The following SLC4A9 variants were observed in gnomAD, a reference collection of about 807,000 sequenced individuals.
The protein encoded by SLC4A9 is anion exchange protein 4.
In SLC4A9, 102 loss-of-function variants were observed where a neutral mutation model predicts 103.2. The ratio of observed to expected loss-of-function variants is 0.99; its 90% CI spans 0.84 to 1.17. SLC4A9 has a LOEUF of 1.17. SLC4A9 is among the 50% of genes most tolerant of loss of function. SLC4A9 has a pLI of 0.00. For missense variants in SLC4A9, 1,091 were observed against 1,193.7 expected (o/e 0.91, Z 1.27); for synonymous variants, 453 against 483.6 (o/e 0.94, Z 0.83).
At chr5:140,374,596 C>T (rs917724603) in intron 21 of SLC4A9, among the ~76,000 whole-genome samples, 1 of 147,046 alleles carries the variant, frequency 6.8e-6, no homozygotes, top group African/African-American at 2.5e-5. Context: ...GCCTCTGACA[C>T]TTGCAATGGG....
intron 14 of SLC4A9, 72 bp from the exon 15 acceptor site, chr5:140,367,348 A>G (rs1458706369): frequency 6.6e-7 from 1 of 1,525,722 alleles, no homozygotes; most frequent in Non-Finnish European, 8.8e-7. Context: ...GAAGAATGCC[A>G]AGGTTGAGAT....
At position 140,371,110 on chromosome 5, in the gene SLC4A9, G is replaced by A. The variant is rs1271840173; in HGVS notation, c.2443G>A (p.Val815Met). ...TTTCTACCAGTTCATTCCAATGCCT[G>A]TGCTCTATGGCATCTTCCTGTATAT... ...APVLKFIPMP[V>M]LYGIFLYMGV... is the part of the protein sequence containing the mutation. Residue 815 changes from valine to methionine, a missense_variant, in exon 18 of 22, where the codon GTG (valine) becomes ATG (methionine). Physicochemically the swap from Val to Met is conservative, Grantham distance 21. Transcript: ENST00000506757. 1 of 1,611,776 alleles carries A rather than the reference G, an allele frequency of 6.2e-7. No homozygotes were observed. The highest frequency in any genetic ancestry group is 8.5e-7 in the Non-Finnish European group (1 of 1,178,946).
chr5:140,362,749 C>A (rs933075257), intron 6 of SLC4A9, among the ~76,000 whole-genome samples, 163 bp from the exon 7 acceptor site: 12 of 152,178 alleles, frequency 7.9e-5, no homozygotes, highest in Non-Finnish European at 5.9e-5. Flanking sequence ...ACTGTAGGCA[C>A]TCAATAGATA....
In SLC4A9 at chr5:140,363,855, G is replaced by A; in HGVS notation, c.1207G>A (p.Ala403Thr). The A allele has an allele frequency of 6.2e-7, 1 of 1,614,000 alleles. No homozygotes were observed. The highest frequency in any genetic ancestry group is 8.5e-7 in the Non-Finnish European group (1 of 1,179,878). Residue 403 changes from alanine (A) to threonine (T), a missense_variant, in exon 9 of 22, where the codon GCC becomes ACC. Transcript: ENST00000506757. The surrounding 1 kb of genome is among the most constrained non-coding windows in gnomAD (Gnocchi z 4.5). ...CATTTACCTGGCCACTGTCACTAAT[G>A]CCATCACTTTTGGGGGTCTGCTGGG... ...LYIYLATVTN[A>T]ITFGGLLGDA...
rs373668688 is a variant in SLC4A9 at position 140,366,171 on chromosome 5, C to T, written c.1920C>T (p.Asp640=). 28 of 1,613,330 alleles carry T rather than the reference C, an allele frequency of 1.7e-5. No individual in the cohort carries two copies. In the Middle Eastern group the frequency reaches 4.9e-4, roughly 28 times the overall value. Reference sequence around the variant, plus strand: ...GCCAGGTGCGCAAAGGGCTCAGCGACTTCTCCTCAGTCCTGGCCATCCTGC... The same window carrying T: ...GCCAGGTGCGCAAAGGGCTCAGCGATTTCTCCTCAGTCCTGGCCATCCTGC... ...FPSVVRKGLS[D]FSSVLAILLG... Residue 640 remains aspartate (D), a synonymous_variant, in exon 14 of 22, where the codon GAC becomes GAT. Transcript: ENST00000506757.
chr5:140,368,558 C>T, intron 16 of SLC4A9, 29 bp from the exon 17 acceptor site: 1 of 1,604,848 alleles, frequency 6.2e-7, no homozygotes, highest in South Asian at 1.1e-5. Flanking sequence ...CTCTCCCAGA[C>T]CTCAGCTAAC....
Position 140,363,970 on chromosome 5 carries a change from T to A in SLC4A9, c.1254+68T>A. The A allele has an allele frequency of 6.4e-7, 1 of 1,574,116 alleles. No individual in the cohort carries two copies. The highest frequency in any genetic ancestry group is 8.6e-7 in the Non-Finnish European group (1 of 1,158,504). Reference sequence around the variant, plus strand: ...TAGTCCATCCCTTCCCCTGGGACTATGGGTAAGTTAAGGAGGCTCTCCCAA... The same window carrying A: ...TAGTCCATCCCTTCCCCTGGGACTAAGGGTAAGTTAAGGAGGCTCTCCCAA... On this transcript the variant is annotated intron_variant, in intron 9 of 21. Coordinates refer to ENST00000506757, the MANE Select transcript of SLC4A9 (RefSeq NM_031467.3). This position sits in a 1 kb window ranked among gnomAD's most constrained non-coding sequence, Gnocchi z 4.5.
rs1242632726 is a variant in SLC4A9, at chr5:140,371,536, T to C, written c.2582T>C (p.Val861Ala). ...LLLRHVPLTR[V>A]HLFTAIQLAC... The stretch of plus-strand genomic sequence containing the variant: ...TTGCGGCATGTGCCTCTGACCAGGG[T>C]CCACCTCTTCACAGCCATCCAGCTT... The change falls in exon 19 of 22, where the codon GTC (valine) becomes GCC (alanine). Residue 861 changes from valine (V) to alanine (A), a missense_variant. Physicochemically the swap from Val to Ala is moderately conservative, Grantham distance 64. Coordinates refer to ENST00000506757, the MANE Select transcript of SLC4A9 (RefSeq NM_031467.3). The C allele has an allele frequency of 6.2e-7, 1 of 1,613,872 alleles. No individual in the cohort carries two copies. The highest frequency in any genetic ancestry group is 8.5e-7 in the Non-Finnish European group (1 of 1,179,880).
chr5:140,362,966 C>T lies in SLC4A9; in HGVS notation c.862C>T (p.Leu288=), dbSNP rs1767323979. 1 of 1,613,526 alleles carries T rather than the reference C, an allele frequency of 6.2e-7. No homozygotes were observed. Among genetic ancestry groups the T allele is most frequent in the African/African-American group, 1.3e-5 (1 of 74,900 alleles). ...ASNLHDLLAA[L]DAFLEEVTVL... is the part of the protein sequence containing the mutation. ...CAACCTTCATGACCTTCTGGCAGCCCTGGATGCATTCCTAGAGGAGGTGAC... is the reference window on the plus strand; with the variant it reads ...CAACCTTCATGACCTTCTGGCAGCCTTGGATGCATTCCTAGAGGAGGTGAC... The change falls in exon 7 of 22, where the codon CTG becomes TTG. Residue 288 remains leucine (L), a synonymous_variant. Coordinates refer to ENST00000506757, the MANE Select transcript of SLC4A9 (RefSeq NM_031467.3).
chr5:140,364,436 G>A lies in SLC4A9; in HGVS notation c.1462G>A (p.Val488Met). The change falls in exon 11 of 22, where the codon GTG becomes ATG. Residue 488 changes from valine (V) to methionine (M), a missense_variant. Val to Met is a conservative substitution (Grantham distance 21, BLOSUM62 1). Coordinates refer to ENST00000506757, the MANE Select transcript of SLC4A9 (RefSeq NM_031467.3). ...GGTGGCTACCTTTTGCCTGGTGCTG[G>A]TGGCCACAGAGGCCAGTGTGCTGGT... ...IWVATFCLVL[V>M]ATEASVLVRY... The A allele has an allele frequency of 1.9e-6, 3 of 1,613,674 alleles. No homozygotes were observed. Among genetic ancestry groups the A allele is most frequent in the Non-Finnish European group, 2.5e-6 (3 of 1,179,782 alleles).
Position 140,362,123 on chromosome 5 carries a change from T to C in SLC4A9, c.668T>C (p.Leu223Pro). 1 of 1,574,512 alleles carries C rather than the reference T, an allele frequency of 6.4e-7. No homozygotes were observed. The highest frequency in any genetic ancestry group is 8.6e-7 in the Non-Finnish European group (1 of 1,168,774). Residue 223 changes from leucine (L) to proline (P), a missense_variant, in exon 5 of 22, where the codon CTG becomes CCG. Coordinates refer to ENST00000506757, the MANE Select transcript of SLC4A9 (RefSeq NM_031467.3). Reference sequence around the variant, plus strand: ...CAGCCACTGGGAGCCTTTGTTCGACTGCGGAACCCTGTGGTACTGGGGTCC... The same window carrying C: ...CAGCCACTGGGAGCCTTTGTTCGACCGCGGAACCCTGTGGTACTGGGGTCC... ...LAQPLGAFVR[L>P]RNPVVLGSLT...
intron 2 of SLC4A9, 40 bp downstream of exon 2, chr5:140,361,012 T>G (rs764519855): frequency 6.7e-7 from 1 of 1,500,140 alleles, no homozygotes; most frequent in Admixed American, 2.2e-5. Context: ...TGGGTAGCCA[T>G]GCCTTTTCCC....
intron 18 of SLC4A9, 135 bp from the exon 19 acceptor site, chr5:140,371,316 T>C: frequency 7.2e-7 from 1 of 1,396,056 alleles, no homozygotes; most frequent in Non-Finnish European, 1.0e-6. Flanking sequence ...CTCTTTTTCC[T>C]GTCTCTCCTG....
chr5:140,364,105 C>A lies in SLC4A9; in HGVS notation c.1306C>A (p.Leu436Met). ...AGCAGTGGCTGGAGCTGCCTTCTGC[C>A]TGATGGCAGGCCAGCCCCTCACCAT... ...GTAVAGAAFCLMAGQPLTILS... is the reference protein window; with the variant it reads ...GTAVAGAAFCMMAGQPLTILS... Residue 436 changes from leucine to methionine, a missense_variant, in exon 10 of 22, where the codon CTG (leucine) becomes ATG (methionine). Transcript: ENST00000506757. 1 of 1,589,240 alleles carries A rather than the reference C, an allele frequency of 6.3e-7. No individual in the cohort carries two copies. The highest frequency in any genetic ancestry group is 8.6e-7 in the Non-Finnish European group (1 of 1,168,296).
At chr5:140,365,083 G>A (rs906035665) in intron 11 of SLC4A9, among the ~76,000 whole-genome samples, 11 of 152,206 alleles carry the variant, frequency 7.2e-5, no homozygotes, top group African/African-American at 2.7e-4. Context: ...TTCTGGGTGA[G>A]AGTGGCCGGC....
At chr5:140,362,885 C>CCA in intron 6 of SLC4A9, 27 bp from the exon 7 acceptor site, 1 of 1,613,978 alleles carries the variant, frequency 6.2e-7, no homozygotes, top group Non-Finnish European at 8.5e-7. Flanking sequence ...TTTGCACTTA[C>CCA]CACCCATTCT....
At position 140,371,168 on chromosome 5, in the gene SLC4A9, G is replaced by A. The variant is rs1581165425; in HGVS notation, c.2496+5G>A. On this transcript the variant is annotated splice_donor_5th_base_variant and intron_variant, in intron 18 of 21. Transcript: ENST00000506757. ...GCAGCGCTCAGCAGCATTCAGGTGA[G>A]CCCATTAAAATCACCTAACAAAAGA... The A allele has an allele frequency of 1.2e-6, 2 of 1,608,336 alleles. No homozygotes were observed. The highest frequency in any genetic ancestry group is 1.1e-5 in the South Asian group (1 of 90,058).
chr5:140,366,299 G>A (rs1195088624), intron 14 of SLC4A9, 35 bp downstream of exon 14: 1 of 1,450,552 alleles, frequency 6.9e-7, no homozygotes. Flanking sequence ...GGGACCAGAG[G>A]GGAAAGCAGG....
rs1768597483 is a variant in SLC4A9 at position 140,370,790 on chromosome 5, A to C, written c.2428-305A>C. The C allele has an allele frequency of 1.1e-5, 4 of 361,314 alleles. No individual in the cohort carries two copies. The South Asian group carries it at 1.4e-4, about 13-fold the overall frequency. 22.4% of individuals were successfully genotyped at this position (361,314 alleles called of 1,614,324 possible). A position where few individuals can be genotyped will look rare whatever the true frequency, so the allele number is the denominator to read the frequency against. ...AAGGAAAGGCGGTTAGTATAGTGGG[A>C]GCATAAAGAACAGAAGGAAATGTGA... On this transcript the variant is annotated intron_variant, in intron 17 of 21. Transcript: ENST00000506757.
Sources: gnomAD v4.1 joint callset for allele counts (sites outside exome capture counted in the v4.1 genomes callset) on GRCh38, gnomAD v4.1.1 for gene constraint, Gnocchi (gnomAD v3.1) non-coding constraint, MANE v1.5 for transcripts, NCBI Gene and HGNC (gene_info 2026-07-23, HGNC 2026-07-21) for gene names.